Variants in PCDHGA1 observed in about 807,000 individuals in gnomAD.
PCDHGA1 encodes the protein protocadherin gamma subfamily A, 1.
A neutral mutation model predicts 58.0 loss-of-function variants in PCDHGA1; 32 were observed. The ratio of observed to expected loss-of-function variants is 0.55; its 90% CI spans 0.42 to 0.74. The LOEUF (loss-of-function observed/expected upper bound fraction) is 0.74. Ranked by LOEUF, PCDHGA1 falls within the 30% of genes least tolerant of loss-of-function variation. PCDHGA1 has a pLI of 0.00. For synonymous variants in PCDHGA1, 498 were observed against 501.1 expected, an observed-to-expected ratio of 0.99 and a Z score of 0.08; for missense variants, 1,205 against 1,182.3, an observed-to-expected ratio of 1.02 and a Z score of -0.28.
chr5:141,455,533 T>C (rs1232689740), intron 1 of PCDHGA1, among the ~76,000 whole-genome samples: 1 of 152,134 alleles, frequency 6.6e-6, no homozygotes, highest in African/African-American at 2.4e-5. Flanking sequence ...TGACCAGGCA[T>C]ATCATTCACG....
In PCDHGA1 at chr5:141,421,591, G is replaced by A. The variant is rs1273484124; in HGVS notation, c.2422-73216G>A. The A allele has an allele frequency of 1.9e-6, 3 of 1,613,756 alleles. No homozygotes were observed. In the Admixed American group the frequency reaches 5.0e-5, roughly 27 times the overall value. ...CACCTTGAAGATTTACGGAGTGGAG[G>A]TGGAAATAATAGATATTAATGATAA... is the stretch of plus-strand genomic sequence containing the variant. On this transcript the variant is annotated intron_variant, in intron 1 of 3. Transcript: ENST00000517417.
chr5:141,396,943 G>A (rs1388753275), intron 1 of PCDHGA1, among the ~76,000 whole-genome samples: 6 of 152,178 alleles, frequency 3.9e-5, no homozygotes, highest in African/African-American at 1.2e-4. Flanking sequence ...TGCCCTGGTA[G>A]GAAAGAAAAT....
chr5:141,357,403 G>A (rs1760584146), intron 1 of PCDHGA1: 2 of 1,614,252 alleles, frequency 1.2e-6, no homozygotes, highest in Non-Finnish European at 1.7e-6. Context: ...GTTGGCAGGT[G>A]TGCCTGCCTC....
rs755409676 is a variant in PCDHGA1 at position 141,383,729 on chromosome 5, T to C, written c.2421+50624T>C. 7 of 1,613,984 alleles carry C rather than the reference T, an allele frequency of 4.3e-6. No homozygotes were observed. In the South Asian group the frequency reaches 6.6e-5, roughly 15 times the overall value. ...CTGGACGAGGGAGTCAATGGGGAAG[T>C]GACATATTCTTTTCGGAAAATAACT... On this transcript the variant is annotated intron_variant, in intron 1 of 3. Transcript: ENST00000517417.
chr5:141,476,264 G>T lies in PCDHGA1; in HGVS notation c.2422-18543G>T, dbSNP rs753184649. On this transcript the variant is annotated intron_variant, in intron 1 of 3. Coordinates refer to ENST00000517417, the MANE Select transcript of PCDHGA1 (RefSeq NM_018912.3). This position sits in a 1 kb window ranked among gnomAD's most constrained non-coding sequence, Gnocchi z 7.6. ...AGAGAAGGGTTTCGCTGTGGGCAAC[G>T]TGGTCGCGAACCTTGGTTTGGATCT... The T allele has an allele frequency of 5.0e-6, 8 of 1,613,964 alleles. No individual in the cohort carries two copies. In the African/African-American group the frequency reaches 8.0e-5, roughly 16 times the overall value.
At chr5:141,393,166 G>A in intron 1 of PCDHGA1, 2 of 1,613,244 alleles carry the variant, frequency 1.2e-6, no homozygotes, top group Non-Finnish European at 1.7e-6. Flanking sequence ...AAACTCTTTG[G>A]GGTAGAAATA....
In PCDHGA1 at chr5:141,490,729, C is replaced by G. The variant is rs1365931429; in HGVS notation, c.2422-4078C>G. ...CCTCACCTACTCCATTGTAGGAAAT[C>G]AGGTTCAGGGAGCCCCAGCCTCCTC... On this transcript the variant is annotated intron_variant, in intron 1 of 3. Coordinates refer to ENST00000517417, the MANE Select transcript of PCDHGA1 (RefSeq NM_018912.3). The surrounding 1 kb of genome is among the most constrained non-coding windows in gnomAD (Gnocchi z 5.4). 1 of 1,614,184 alleles carries G rather than the reference C, an allele frequency of 6.2e-7. No homozygotes were observed.
chr5:141,363,496 A>G (rs1762946791), intron 1 of PCDHGA1, among the ~76,000 whole-genome samples: 1 of 152,378 alleles, frequency 6.6e-6, no homozygotes, highest in South Asian at 2.1e-4. Context: ...GATGAAATAA[A>G]ACCCCATCCT....
intron 1 of PCDHGA1, chr5:141,410,406 C>A (rs1361000460): frequency 6.2e-7 from 1 of 1,614,050 alleles, no homozygotes; most frequent in Non-Finnish European, 8.5e-7. Flanking sequence ...TGTGTCAAGT[C>A]TGGACCTGTA....
chr5:141,415,654 A>ATTGGT, intron 1 of PCDHGA1: 1 of 1,573,242 alleles, frequency 6.4e-7, no homozygotes, highest in Non-Finnish European at 8.6e-7. Flanking sequence ...AAAAAAAAAG[A>ATTGGT]TTGGTTTTTA....
intron 1 of PCDHGA1, chr5:141,427,971 C>A (rs764145525): frequency 1.3e-6 from 2 of 1,593,630 alleles, no homozygotes; most frequent in Non-Finnish European, 1.7e-6. Flanking sequence ...GGTGCTGTAC[C>A]CCGCGCTGGG....
chr5:141,338,878 G>A (rs561443327), intron 1 of PCDHGA1: 13 of 1,454,056 alleles, frequency 8.9e-6, no homozygotes, highest in East Asian at 4.9e-5. Flanking sequence ...CCTGGGTCCC[G>A]TGAATGCTGG....
chr5:141,394,724 G>C (rs2093074353), intron 1 of PCDHGA1: 2 of 1,613,380 alleles, frequency 1.2e-6, no homozygotes, highest in Non-Finnish European at 1.7e-6. Context: ...ACAGAGATGC[G>C]CTCAAGCAGA....
chr5:141,481,835 C>T (rs892868552), intron 1 of PCDHGA1, among the ~76,000 whole-genome samples: 5 of 149,932 alleles, frequency 3.3e-5, no homozygotes, highest in Non-Finnish European at 7.4e-5. Flanking sequence ...GCAGGAGAAT[C>T]GCTTGATGGT....
chr5:141,343,655 T>C lies in PCDHGA1; in HGVS notation c.2421+10550T>C, dbSNP rs531857542. ...ACTTGAGGTGACACTGTTTAACATATATCGATTCAATTATGTTCAATCAAC... is the reference window on the plus strand; with the variant it reads ...ACTTGAGGTGACACTGTTTAACATACATCGATTCAATTATGTTCAATCAAC... On this transcript the variant is annotated intron_variant, in intron 1 of 3. Transcript: ENST00000517417. Among the ~76,000 whole-genome samples, 10 of 152,342 alleles carry C rather than the reference T, an allele frequency of 6.6e-5. No homozygotes were observed. The East Asian group carries it at 1.7e-3, about 26-fold the overall frequency.
intron 1 of PCDHGA1, chr5:141,404,498 G>A (rs1237860716): frequency 6.2e-7 from 1 of 1,613,878 alleles, no homozygotes; most frequent in East Asian, 2.2e-5. Context: ...TGTGCTGTAT[G>A]CTCTGTGCTC....
At position 141,477,855 on chromosome 5, in the gene PCDHGA1, T is replaced by C; in HGVS notation, c.2422-16952T>C. The C allele has an allele frequency of 1.2e-6, 2 of 1,613,698 alleles. No individual in the cohort carries two copies. The highest frequency in any genetic ancestry group is 1.7e-6 in the Non-Finnish European group (2 of 1,179,882). On this transcript the variant is annotated intron_variant, in intron 1 of 3. Coordinates refer to ENST00000517417, the MANE Select transcript of PCDHGA1 (RefSeq NM_018912.3). The surrounding 1 kb of genome is among the most constrained non-coding windows in gnomAD (Gnocchi z 4.9). ...CCAGGTGGGAGCTCGGTGGAGATGC[T>C]GCCTCGAGGTACCTCAGCTGGCCAC...
At chr5:141,339,963 C>A (rs767074636) in intron 1 of PCDHGA1, 64 of 1,613,874 alleles carry the variant, frequency 4.0e-5, no homozygotes, top group Non-Finnish European at 5.0e-5. Flanking sequence ...CTAACCAGAG[C>A]GAAGGTTATC....
At position 141,469,305 on chromosome 5, in the gene PCDHGA1, G is replaced by A. The variant is rs990437808; in HGVS notation, c.2422-25502G>A. Among the ~76,000 whole-genome samples the A allele has an allele frequency of 3.9e-5, 6 of 152,192 alleles. No homozygotes were observed. The South Asian group carries it at 6.2e-4, about 16-fold the overall frequency. On this transcript the variant is annotated intron_variant, in intron 1 of 3. Transcript: ENST00000517417. ...AAATAAAACAAAATAGACTGGGCACGATGGCTCACGCCTGTAATCCCACCA... is the reference window on the plus strand; with the variant it reads ...AAATAAAACAAAATAGACTGGGCACAATGGCTCACGCCTGTAATCCCACCA...
Sources: allele counts gnomAD v4.1 joint callset (sites outside exome capture counted in the v4.1 genomes callset), GRCh38; gene constraint gnomAD v4.1.1; non-coding constraint Gnocchi (gnomAD v3.1); transcripts MANE v1.5; gene names NCBI Gene and HGNC (gene_info 2026-07-23, HGNC 2026-07-21).